UTRN: variants seen among roughly 807,000 people sequenced by gnomAD.
The protein encoded by UTRN is utrophin.
In UTRN, 283 loss-of-function variants were observed where a neutral mutation model predicts 463.9. The ratio of observed to expected loss-of-function variants is 0.61; its 90% CI spans 0.55 to 0.67. UTRN has a LOEUF of 0.67. UTRN is among the 30% of genes least tolerant of loss of function. The pLI is 0.00. For missense variants in UTRN, 3,922 were observed against 4,084.3 expected, an observed-to-expected ratio of 0.96 and a Z score of 1.08; for synonymous variants, 1,442 against 1,431.5, an observed-to-expected ratio of 1.01 and a Z score of -0.17.
rs183188598 is a variant in UTRN at position 144,467,276 on chromosome 6, C to T, written c.3066+4410C>T. ...GTCTTCAGCCCAGCTCATCACTACACCCATAGCTAGATAATCGTTCCCTCC... is the reference window on the plus strand; with the variant it reads ...GTCTTCAGCCCAGCTCATCACTACATCCATAGCTAGATAATCGTTCCCTCC... On this transcript the variant is annotated intron_variant, in intron 23 of 74. Coordinates refer to ENST00000367545, the MANE Select transcript of UTRN (RefSeq NM_007124.3). Among the ~76,000 whole-genome samples, 10 of 152,340 alleles carry T rather than the reference C, an allele frequency of 6.6e-5. No individual in the cohort carries two copies. In the East Asian group the frequency reaches 1.9e-3, roughly 29 times the overall value.
At chr6:144,438,270 AAGG>A (rs1786784482) in intron 11 of UTRN, among the ~76,000 whole-genome samples, 1 of 152,342 alleles carries the variant, frequency 6.6e-6, no homozygotes, top group South Asian at 2.1e-4. Flanking sequence ...TCTCCAAAAA[AAGG>A]AAAAGACATT....
chr6:144,643,570 G>A (rs1275682150), intron 51 of UTRN, among the ~76,000 whole-genome samples: 1 of 152,088 alleles, frequency 6.6e-6, no homozygotes, highest in Non-Finnish European at 1.5e-5. Flanking sequence ...GCTGAGGCGG[G>A]CAGATCACCT....
chr6:144,447,198 T>A lies in UTRN; in HGVS notation c.1615-13T>A. ...TTTTGCAGATAAAGTTCAACTTTTG[T>A]TATTACTTGTAGTGCTTGTTGAAAG... On this transcript the variant is annotated splice_polypyrimidine_tract_variant and intron_variant, in intron 14 of 74. Transcript: ENST00000367545. The A allele has an allele frequency of 6.2e-7, 1 of 1,605,596 alleles. No individual in the cohort carries two copies. The highest frequency in any genetic ancestry group is 8.5e-7 in the Non-Finnish European group (1 of 1,177,150).
chr6:144,489,540 A>G (rs1203880004), intron 30 of UTRN, among the ~76,000 whole-genome samples: 1 of 152,214 alleles, frequency 6.6e-6, no homozygotes, highest in Non-Finnish European at 1.5e-5. Flanking sequence ...ATTAGAAACG[A>G]CAAATGCAAA....
intron 2 of UTRN, among the ~76,000 whole-genome samples, chr6:144,387,830 C>G (rs1781547107): frequency 6.6e-6 from 1 of 152,178 alleles, no homozygotes. Flanking sequence ...CAGTATCTCC[C>G]TTCCTCCTAG....
chr6:144,334,833 A>T (rs1562261236), intron 2 of UTRN, among the ~76,000 whole-genome samples: 1 of 152,220 alleles, frequency 6.6e-6, no homozygotes, highest in Non-Finnish European at 1.5e-5. Context: ...CACTCACAGC[A>T]CGAATTTGGT....
intron 51 of UTRN, among the ~76,000 whole-genome samples, chr6:144,600,398 A>G (rs34571592): frequency 0.15 from 23,508 of 152,274 alleles, 2,014 homozygotes; most frequent in South Asian, 0.27. Context: ...AGACATTTAA[A>G]GTGCTACTCC....
chr6:144,652,418 A>G (rs1778910667), intron 51 of UTRN, among the ~76,000 whole-genome samples: 1 of 152,194 alleles, frequency 6.6e-6, no homozygotes, highest in Non-Finnish European at 1.5e-5. Flanking sequence ...AGATCCATGT[A>G]CGAAGGTGCT....
chr6:144,695,471 G>T (rs901727609), intron 52 of UTRN, among the ~76,000 whole-genome samples: 1 of 151,338 alleles, frequency 6.6e-6, no homozygotes, highest in Non-Finnish European at 1.5e-5. Context: ...AGCCTCCCAA[G>T]TAGCTGGGAT....
intron 3 of UTRN, among the ~76,000 whole-genome samples, chr6:144,415,946 T>C (rs1342491749): frequency 2.6e-5 from 4 of 152,072 alleles, no homozygotes; most frequent in Non-Finnish European, 5.9e-5. Context: ...AGGAAATGAA[T>C]CAGGAATGAC....
chr6:144,438,697 G>A lies in UTRN; in HGVS notation c.1242-48G>A, dbSNP rs760407926. The A allele has an allele frequency of 3.7e-6, 6 of 1,605,066 alleles. No homozygotes were observed. In the East Asian group the frequency reaches 8.9e-5, roughly 24 times the overall value. ...GTGCCCAGAATGTATATTTGACTTTGCAAAGGGAAAAGGCTTGTAGGAATA... is the reference window on the plus strand; with the variant it reads ...GTGCCCAGAATGTATATTTGACTTTACAAAGGGAAAAGGCTTGTAGGAATA... On this transcript the variant is annotated intron_variant, in intron 11 of 74. Coordinates refer to ENST00000367545, the MANE Select transcript of UTRN (RefSeq NM_007124.3).
chr6:144,605,293 A>T (rs1412976845), intron 51 of UTRN, among the ~76,000 whole-genome samples: 1 of 152,158 alleles, frequency 6.6e-6, no homozygotes, highest in African/African-American at 2.4e-5. Flanking sequence ...ATTTTATAGC[A>T]CATCTGCCAA....
At position 144,523,067 on chromosome 6, in the gene UTRN, G is replaced by A; in HGVS notation, c.5785G>A (p.Glu1929Lys). The change falls in exon 41 of 75, where the codon GAA becomes AAA. Residue 1929 changes from glutamate (E) to lysine (K), a missense_variant. Physicochemically the swap from Glu to Lys is moderately conservative, Grantham distance 56 (BLOSUM62 1). This residue lies in a region of UTRN where 2,349 missense variants were observed against 2,303.8 expected (regional missense o/e 1.02). Coordinates refer to ENST00000367545, the MANE Select transcript of UTRN (RefSeq NM_007124.3). ...KLGEQIAVIH[E>K]KQPDVILEAS... ...TGGAGAGCAGATTGCAGTCATTCAT[G>A]AAAAACAGCCAGATGTCATCCTTGA... is the stretch of plus-strand genomic sequence containing the variant. The A allele has an allele frequency of 6.2e-7, 1 of 1,613,168 alleles. No homozygotes were observed. The highest frequency in any genetic ancestry group is 1.1e-5 in the South Asian group (1 of 90,860).
At chr6:144,407,912 T>TA (rs1480558263) in intron 3 of UTRN, among the ~76,000 whole-genome samples, 1 of 152,176 alleles carries the variant, frequency 6.6e-6, no homozygotes, top group African/African-American at 2.4e-5. Context: ...AGTGATTATC[T>TA]AAAAAAAGCT....
chr6:144,322,976 T>C (rs892371670), intron 2 of UTRN, among the ~76,000 whole-genome samples: 2 of 151,216 alleles, frequency 1.3e-5, no homozygotes, highest in African/African-American at 4.9e-5. Flanking sequence ...TCATGGGCCA[T>C]TGGAAGTCAC....
chr6:144,447,823 C>T, intron 16 of UTRN, 42 bp downstream of exon 16: 1 of 1,530,908 alleles, frequency 6.5e-7, no homozygotes, highest in Non-Finnish European at 8.8e-7. Context: ...ATGAAGTAAA[C>T]ATTTAAAATT....
intron 50 of UTRN, among the ~76,000 whole-genome samples, chr6:144,565,253 T>G (rs1800299783): frequency 6.6e-6 from 1 of 151,870 alleles, no homozygotes; most frequent in South Asian, 2.1e-4. Flanking sequence ...GATGTGGGAG[T>G]TTTGGAAGAA....
chr6:144,301,320 A>G (rs1441940620), intron 2 of UTRN, among the ~76,000 whole-genome samples: 1 of 152,132 alleles, frequency 6.6e-6, no homozygotes, highest in Non-Finnish European at 1.5e-5. Context: ...TTTTCAAGAT[A>G]CGTAACGTGT....
chr6:144,290,460 G>A (rs535608464), intron 1 of UTRN, among the ~76,000 whole-genome samples: 2 of 152,130 alleles, frequency 1.3e-5, no homozygotes, highest in Non-Finnish European at 2.9e-5. Flanking sequence ...GAAGATTCAC[G>A]TTCAACATCT....
Sources: allele counts gnomAD v4.1 joint callset (sites outside exome capture counted in the v4.1 genomes callset), GRCh38; gene constraint gnomAD v4.1.1; regional missense constraint gnomAD v4.1.1; transcripts MANE v1.5; gene names NCBI Gene and HGNC (gene_info 2026-07-23, HGNC 2026-07-21).